DYNC2H1: variants seen among roughly 807,000 people sequenced by gnomAD.
DYNC2H1 encodes cytoplasmic dynein 2 heavy chain 1.
In DYNC2H1, 410 loss-of-function variants were observed where a neutral mutation model predicts 570.0. That is an observed-to-expected ratio of 0.72 (90% CI 0.66 to 0.78). The LOEUF is 0.78. Ranked by LOEUF, DYNC2H1 falls within the 30% of genes least tolerant of loss-of-function variation. The pLI, the probability that DYNC2H1 is intolerant of heterozygous loss-of-function variation, is 0.00. For synonymous variants in DYNC2H1, 1,688 were observed against 1,677.6 expected, an observed-to-expected ratio of 1.01 and a Z score of -0.15; for missense variants, 4,865 against 5,046.4, an observed-to-expected ratio of 0.96 and a Z score of 1.09.
At position 103,468,635 on chromosome 11, in the gene DYNC2H1, T is replaced by G. The variant is rs1945272232; in HGVS notation, c.12695T>G (p.Leu4232Arg). 3.7e-6 allele frequency: 6 copies of G among 1,613,804 alleles called. No individual in the cohort carries two copies. Among genetic ancestry groups the G allele is most frequent in the Non-Finnish European group, 5.1e-6 (6 of 1,179,760 alleles). Reference protein sequence around the residue: ...LEGCSFDGNQLSENQLDSPSV... With the variant: ...LEGCSFDGNQRSENQLDSPSV... ...GGATGTAGTTTTGATGGAAATCAAC[T>G]TTCTGAAAATCAGCTTGATTCTCCC... Residue 4232 changes from leucine to arginine, a missense_variant, in exon 88 of 89, where the codon CTT becomes CGT. This residue lies in a region of DYNC2H1 where 2,401 missense variants were observed against 2,454.6 expected (regional missense o/e 0.98). Transcript: ENST00000375735.
chr11:103,447,816 CTGTTT>C (rs1944477821), intron 85 of DYNC2H1, among the ~76,000 whole-genome samples: 1 of 152,114 alleles, frequency 6.6e-6, no homozygotes, highest in African/African-American at 2.4e-5. Context: ...TGTTTCTTCT[CTGTTT>C]TGTTAATTCA....
intron 88 of DYNC2H1, among the ~76,000 whole-genome samples, chr11:103,475,130 T>C (rs1407065005): frequency 1.3e-5 from 2 of 152,218 alleles, no homozygotes; most frequent in African/African-American, 2.4e-5. Context: ...AGCCTCATTA[T>C]TGAACAGAAC....
rs1284374430 is a variant in DYNC2H1, at chr11:103,142,692, T to A, written c.2575-576T>A. Among the ~76,000 whole-genome samples, 8 of 152,086 alleles carry A rather than the reference T, an allele frequency of 5.3e-5. No individual in the cohort carries two copies. The East Asian group carries it at 1.5e-3, about 29-fold the overall frequency. On this transcript the variant is annotated intron_variant, in intron 17 of 88. Coordinates refer to ENST00000375735, the MANE Select transcript of DYNC2H1 (RefSeq NM_001377.3). The stretch of plus-strand genomic sequence containing the variant: ...TCAAGAAAAAAAGAAAATGTGTCAG[T>A]TTAGAATGTGATATGGTTCTGTTGT...
At chr11:103,365,706 TTC>T (rs1177161357) in intron 83 of DYNC2H1, among the ~76,000 whole-genome samples, 5 of 152,198 alleles carry the variant, frequency 3.3e-5, no homozygotes, top group African/African-American at 1.2e-4. Flanking sequence ...AGGGAAAATT[TTC>T]TCTCTTTCCC....
intron 85 of DYNC2H1, among the ~76,000 whole-genome samples, chr11:103,452,105 GTGAAC>G (rs1450123383): frequency 2.6e-5 from 4 of 152,004 alleles, no homozygotes; most frequent in African/African-American, 9.7e-5. Flanking sequence ...AGGTTAGAAT[GTGAAC>G]TGAAGATTGA....
intron 66 of DYNC2H1, 22 bp from the exon 67 acceptor site, chr11:103,255,393 C>A: frequency 6.5e-7 from 1 of 1,542,630 alleles, no homozygotes; most frequent in Non-Finnish European, 8.7e-7. Flanking sequence ...CTAGAATTAC[C>A]TTGTCTTTTT....
At chr11:103,304,744 T>G in intron 77 of DYNC2H1, 24 bp downstream of exon 77, 1 of 1,608,414 alleles carries the variant, frequency 6.2e-7, no homozygotes, top group South Asian at 1.1e-5. Context: ...AATGTACAAA[T>G]AATATCTATT....
intron 17 of DYNC2H1, among the ~76,000 whole-genome samples, chr11:103,136,322 C>T (rs546185874): frequency 1.8e-4 from 27 of 151,404 alleles, no homozygotes; most frequent in South Asian, 1.5e-3. Flanking sequence ...TGTGCTGCAC[C>T]CATTAACTCG....
rs5794222 is a variant in DYNC2H1, at chr11:103,305,712, T to TAGAG, written c.11382+994_11382+995insAGAG. ...ATTGGCAACTACACACTTCCACAAA[T>TAGAG]AGTCAGTAAATTTTTGATGAGTAAG... is the stretch of plus-strand genomic sequence containing the variant. On this transcript the variant is annotated intron_variant, in intron 77 of 88. Transcript: ENST00000375735. This position sits in a 1 kb window ranked among gnomAD's most constrained non-coding sequence, Gnocchi z 4.3. Among the ~76,000 whole-genome samples, 26,232 of 151,650 alleles carry TAGAG rather than the reference T, an allele frequency of 0.17. 2,451 individuals carry two copies. Among genetic ancestry groups the TAGAG allele is most frequent in the Admixed American group, 0.26 (3,956 of 15,234 alleles).
intron 59 of DYNC2H1, among the ~76,000 whole-genome samples, chr11:103,227,137 T>C (rs944426898): frequency 5.9e-5 from 9 of 152,100 alleles, no homozygotes; most frequent in African/African-American, 2.2e-4. Flanking sequence ...AGAATGAACT[T>C]TTTGTTTCAT....
At chr11:103,449,660 TATTC>T (rs1944532899) in intron 85 of DYNC2H1, among the ~76,000 whole-genome samples, 2 of 90,966 alleles carry the variant, frequency 2.2e-5, no homozygotes, top group Non-Finnish European at 3.9e-5. Context: ...GTTTAGAAAT[TATTC>T]ATTTTCATTA....
At chr11:103,477,832 C>CAAAA (rs55817710) in intron 88 of DYNC2H1, among the ~76,000 whole-genome samples, 22,812 of 72,510 alleles carry the variant, frequency 0.31, 4,807 homozygotes, top group Non-Finnish European at 0.41. Flanking sequence ...CTCCCCATCT[C>CAAAA]AAAAAAAAAA....
At chr11:103,139,774 A>G (rs984496078) in intron 17 of DYNC2H1, among the ~76,000 whole-genome samples, 4 of 151,864 alleles carry the variant, frequency 2.6e-5, no homozygotes, top group African/African-American at 9.7e-5. Flanking sequence ...TATCCTTGTT[A>G]ACTTTCTGTC....
In DYNC2H1 at chr11:103,135,948, G is replaced by A. The variant is rs571674433; in HGVS notation, c.2574G>A (p.Lys858=). ...RRLSAVLHQH[K]EWIVIGQVDM... is the part of the protein sequence containing the mutation. ...TGTCAGCTGTTTTACACCAACATAA[G>A]GTATAGAACATGTAATGTTCCATCC... The change falls in exon 17 of 89, where the codon AAG becomes AAA. Residue 858 remains lysine (K), a splice_region_variant and synonymous_variant. Transcript: ENST00000375735. The A allele has an allele frequency of 5.1e-6, 8 of 1,574,874 alleles. No individual in the cohort carries two copies. The highest frequency in any genetic ancestry group is 6.9e-6 in the Non-Finnish European group (8 of 1,160,314).
chr11:103,162,343 T>C (rs1258548116), intron 29 of DYNC2H1, among the ~76,000 whole-genome samples: 4 of 152,200 alleles, frequency 2.6e-5, no homozygotes, highest in Non-Finnish European at 5.9e-5. Flanking sequence ...GAGGCTAAGA[T>C]TGCAGCTTTT....
intron 59 of DYNC2H1, among the ~76,000 whole-genome samples, chr11:103,224,560 T>G (rs1863730860): frequency 6.6e-6 from 1 of 152,202 alleles, no homozygotes; most frequent in Admixed American, 6.5e-5. Flanking sequence ...CCATCCAGAT[T>G]GTTGCAAATG....
chr11:103,393,046 G>A (rs1348262145), intron 83 of DYNC2H1, among the ~76,000 whole-genome samples: 1 of 152,066 alleles, frequency 6.6e-6, no homozygotes, highest in African/African-American at 2.4e-5. Context: ...ACCATGCCCA[G>A]CTAATTTTTG....
chr11:103,123,117 T>G, intron 11 of DYNC2H1, 117 bp downstream of exon 11: 1 of 839,458 alleles, frequency 1.2e-6, no homozygotes, highest in Non-Finnish European at 1.6e-6. Context: ...CCTGTAATTT[T>G]TTTTTGTTGT....
intron 84 of DYNC2H1, among the ~76,000 whole-genome samples, chr11:103,422,376 G>A (rs1190375533): frequency 6.6e-6 from 1 of 152,064 alleles, no homozygotes; most frequent in Non-Finnish European, 1.5e-5. Flanking sequence ...AAACTTGGCA[G>A]AGACAACAAA....
Sources: allele counts gnomAD v4.1 joint callset (sites outside exome capture counted in the v4.1 genomes callset), GRCh38; gene constraint gnomAD v4.1.1; regional missense constraint gnomAD v4.1.1; non-coding constraint Gnocchi (gnomAD v3.1); transcripts MANE v1.5; gene names NCBI Gene and HGNC (gene_info 2026-07-23, HGNC 2026-07-21).